CCDC60: variants seen among roughly 807,000 people sequenced by gnomAD.
CCDC60 encodes the protein coiled-coil domain-containing protein 60.
CCDC60 carries 54 observed loss-of-function variants against 63.5 expected under a neutral mutation model. That is an observed-to-expected ratio of 0.85 (90% CI 0.68 to 1.07). CCDC60 has a LOEUF of 1.07. CCDC60 is among the 50% of genes least tolerant of loss of function. The probability of loss-of-function intolerance (pLI) is 0.00; values close to 1 mark genes in which losing one functional copy is unlikely to be tolerated. For missense variants in CCDC60, 651 were observed against 684.3 expected, an observed-to-expected ratio of 0.95 and a Z score of 0.54; for synonymous variants, 206 against 238.8, an observed-to-expected ratio of 0.86 and a Z score of 1.27.
chr12:119,386,994 ACT>A (rs141844953), intron 1 of CCDC60, among the ~76,000 whole-genome samples: 34 of 75,844 alleles, frequency 4.5e-4, no homozygotes, highest in African/African-American at 1.1e-3. Context: ...TTCCCCCTCA[ACT>A]CTCTCTCTCT....
intron 13 of CCDC60, among the ~76,000 whole-genome samples, chr12:119,537,766 T>C (rs1953046305): frequency 6.6e-6 from 1 of 152,176 alleles, no homozygotes. Context: ...CAAATATTGC[T>C]GCTAGATCCT....
At chr12:119,491,202 T>C (rs919790045) in intron 5 of CCDC60, among the ~76,000 whole-genome samples, 6 of 152,246 alleles carry the variant, frequency 3.9e-5, no homozygotes, top group African/African-American at 1.4e-4. Flanking sequence ...CAGCAGAATA[T>C]TCTATCATAT....
intron 1 of CCDC60, among the ~76,000 whole-genome samples, chr12:119,360,295 A>AC (rs1439545463): frequency 1.1e-3 from 141 of 124,330 alleles, no homozygotes; most frequent in African/African-American, 3.9e-3. Context: ...CAGGGGGCTG[A>AC]CCCCCCCACC....
At chr12:119,388,599 A>G (rs1474928780) in intron 1 of CCDC60, among the ~76,000 whole-genome samples, 1 of 152,130 alleles carries the variant, frequency 6.6e-6, no homozygotes, top group Non-Finnish European at 1.5e-5. Context: ...CCTTATTTGT[A>G]TTATTTGCCC....
At chr12:119,407,707 T>C (rs187689357) in intron 1 of CCDC60, among the ~76,000 whole-genome samples, 6 of 152,342 alleles carry the variant, frequency 3.9e-5, no homozygotes, top group East Asian at 1.9e-4. Flanking sequence ...CCTGTAGTTA[T>C]ATGCAGTCAC....
chr12:119,366,383 C>A (rs938068556), intron 1 of CCDC60, among the ~76,000 whole-genome samples: 1 of 152,210 alleles, frequency 6.6e-6, no homozygotes, highest in African/African-American at 2.4e-5. Context: ...TTGAGCCCAG[C>A]TCTGTCTGTC....
intron 3 of CCDC60, among the ~76,000 whole-genome samples, chr12:119,472,858 A>C (rs1593138375): frequency 6.6e-6 from 1 of 152,122 alleles, no homozygotes; most frequent in Non-Finnish European, 1.5e-5. Flanking sequence ...TGGGATTACA[A>C]GTGTGAGCCA....
chr12:119,409,742 G>A (rs562232934), intron 1 of CCDC60, among the ~76,000 whole-genome samples: 6 of 151,856 alleles, frequency 4.0e-5, no homozygotes, highest in East Asian at 1.9e-4. Flanking sequence ...CAGTTTCCCC[G>A]TGTGTCAGTC....
intron 1 of CCDC60, among the ~76,000 whole-genome samples, chr12:119,398,569 T>G (rs1223858008): frequency 6.6e-6 from 1 of 152,218 alleles, no homozygotes; most frequent in Non-Finnish European, 1.5e-5. Flanking sequence ...TGAGGGCTGC[T>G]AGCACCTTTG....
intron 7 of CCDC60, among the ~76,000 whole-genome samples, chr12:119,513,119 G>C (rs554638305): frequency 2.0e-5 from 3 of 152,158 alleles, no homozygotes; most frequent in Non-Finnish European, 2.9e-5. Context: ...CCCAAAGCTC[G>C]TGGTTTTGTA....
rs1953143548 is a variant in CCDC60, at chr12:119,540,849, A to G, written c.*134A>G. On this transcript the variant is annotated 3_prime_UTR_variant, in exon 14 of 14. Transcript: ENST00000327554. Reference sequence around the variant, plus strand: ...ATGGATGACCCTTTACAGTAGGGTCATCTGGAGACTGACTTCCAGCAACAT... The same window carrying G: ...ATGGATGACCCTTTACAGTAGGGTCGTCTGGAGACTGACTTCCAGCAACAT... The G allele has an allele frequency of 1.6e-6, 1 of 611,684 alleles. No homozygotes were observed. The highest frequency in any genetic ancestry group is 2.8e-6 in the Non-Finnish European group (1 of 358,020). The allele number at this position is 611,684 out of a possible 1,614,324, so 37.9% of individuals were successfully genotyped here.
At position 119,505,224 on chromosome 12, in the gene CCDC60, C is replaced by T. The variant is rs761924538; in HGVS notation, c.804C>T (p.Asn268=). The T allele has an allele frequency of 3.1e-6, 5 of 1,613,992 alleles. No individual in the cohort carries two copies. The Admixed American group carries it at 8.3e-5, about 27-fold the overall frequency. The change falls in exon 7 of 14, where the codon AAC becomes AAT. Residue 268 remains asparagine, a synonymous_variant. Transcript: ENST00000327554. ...GCTCGGATGAGCCCCCAAGTGTGAA[C>T]ACCCAGGTGACCAGCAGCAAGGACA... ...NPGSDEPPSV[N]TQVTSSKDIE...
intron 7 of CCDC60, among the ~76,000 whole-genome samples, chr12:119,514,167 CTTTTCTT>C (rs998106889): frequency 1.3e-5 from 2 of 151,560 alleles, no homozygotes; most frequent in African/African-American, 2.4e-5. Flanking sequence ...GCTTAGTTTC[CTTTTCTT>C]TTTTCTTTTT....
intron 1 of CCDC60, among the ~76,000 whole-genome samples, chr12:119,351,561 C>G (rs1955657007): frequency 6.6e-6 from 1 of 152,008 alleles, no homozygotes; most frequent in Non-Finnish European, 1.5e-5. Context: ...GGAGCAGGAC[C>G]CAGAGAGAGA....
chr12:119,379,096 AGAG>A (rs1034194903), intron 1 of CCDC60, among the ~76,000 whole-genome samples: 1 of 152,214 alleles, frequency 6.6e-6, no homozygotes, highest in African/African-American at 2.4e-5. Context: ...CCAGCATTGA[AGAG>A]GAGAAGAAAA....
chr12:119,429,990 G>T (rs1054621447), intron 2 of CCDC60, among the ~76,000 whole-genome samples: 3 of 152,116 alleles, frequency 2.0e-5, no homozygotes, highest in African/African-American at 7.2e-5. Flanking sequence ...TATTAAAAAT[G>T]TATTGATGAG....
At chr12:119,529,050 G>A (rs978955288) in intron 12 of CCDC60, among the ~76,000 whole-genome samples, 1 of 152,190 alleles carries the variant, frequency 6.6e-6, no homozygotes, top group Admixed American at 6.5e-5. Context: ...ACAGGCAGAT[G>A]AGGCATATCA....
chr12:119,479,995 T>TACACACACACACACACACACAC (rs56080581), intron 4 of CCDC60, among the ~76,000 whole-genome samples: 1 of 121,976 alleles, frequency 8.2e-6, no homozygotes, highest in Non-Finnish European at 1.7e-5. Flanking sequence ...CCGTACATCA[T>TACACACACACACACACACACAC]ACACACACAC....
At chr12:119,349,631 G>A (rs767356007) in intron 1 of CCDC60, among the ~76,000 whole-genome samples, 19 of 150,814 alleles carry the variant, frequency 1.3e-4, no homozygotes, top group Non-Finnish European at 2.2e-4. Flanking sequence ...GAGCCACTGC[G>A]CCTGGCCCAG....
Sources: allele counts gnomAD v4.1 joint callset (sites outside exome capture counted in the v4.1 genomes callset), GRCh38; gene constraint gnomAD v4.1.1; transcripts MANE v1.5; gene names NCBI Gene and HGNC (gene_info 2026-07-23, HGNC 2026-07-21).